Variants in ESR1 observed in about 807,000 individuals in gnomAD.
ESR1 encodes estrogen receptor.
A neutral mutation model predicts 52.7 loss-of-function variants in ESR1; 12 were observed. The ratio of observed to expected loss-of-function variants is 0.23; its 90% CI spans 0.15 to 0.37. The LOEUF is 0.37. Among genes scored for constraint, ESR1 ranks in the 10% least tolerant of loss-of-function variants. The pLI is 1.00. For synonymous variants in ESR1, 305 were observed against 316.8 expected, an observed-to-expected ratio of 0.96 and a Z score of 0.39; for missense variants, 584 against 779.7, an observed-to-expected ratio of 0.75 and a Z score of 2.99.
At chr6:151,666,615 G>T (rs1777830774) in intron 1 of ESR1, among the ~76,000 whole-genome samples, 1 of 152,006 alleles carries the variant, frequency 6.6e-6, no homozygotes, top group East Asian at 1.9e-4. Flanking sequence ...ATCTGTTTCT[G>T]CAGCCAGAGC....
At chr6:151,940,712 C>T (rs573140815) in intron 3 of ESR1, among the ~76,000 whole-genome samples, 108 of 152,162 alleles carry the variant, frequency 7.1e-4, no homozygotes, top group Non-Finnish European at 1.2e-3. Flanking sequence ...ACTGTGCTTT[C>T]GGCAGTTCAT....
chr6:151,773,799 T>G (rs1382011378), intron 2 of ESR1, among the ~76,000 whole-genome samples: 1 of 152,138 alleles, frequency 6.6e-6, no homozygotes, highest in Non-Finnish European at 1.5e-5. Context: ...AAGAATAATC[T>G]CTCATCTCCT....
chr6:151,892,781 TCCA>T (rs1339749018), intron 3 of ESR1, among the ~76,000 whole-genome samples: 3 of 152,182 alleles, frequency 2.0e-5, no homozygotes, highest in Non-Finnish European at 4.4e-5. Context: ...TGAAAACTTA[TCCA>T]GTAGGTATAA....
rs9479119 is a variant in ESR1 at position 151,808,611 on chromosome 6, G to T, written c.452+247G>T. On this transcript the variant is annotated intron_variant, in intron 1 of 7. Transcript: ENST00000206249. ...CGTACTCTCCACCCACTTACCGTCC[G>T]TGCGAGAGGCAGACCCGAAAGCCCG... Among the ~76,000 whole-genome samples, 9,370 of 152,202 alleles carry T rather than the reference G, an allele frequency of 0.062. 550 individuals carry two copies. The highest frequency in any genetic ancestry group is 0.15 in the South Asian group (727 of 4,824).
intron 2 of ESR1, among the ~76,000 whole-genome samples, chr6:151,853,346 C>T (rs1326686924): frequency 6.6e-6 from 1 of 152,110 alleles, no homozygotes; most frequent in African/African-American, 2.4e-5. Context: ...CTGAAAACCT[C>T]ATTCCATGTA....
chr6:152,108,898 G>C (rs2051098842), intron 6 of ESR1, among the ~76,000 whole-genome samples: 3 of 152,190 alleles, frequency 2.0e-5, no homozygotes, highest in African/African-American at 7.2e-5. Flanking sequence ...CTGAGCCTGG[G>C]TAATTTATAA....
At chr6:151,717,491 G>A (rs1214732178) in intron 2 of ESR1, among the ~76,000 whole-genome samples, 2 of 152,142 alleles carry the variant, frequency 1.3e-5, no homozygotes, top group East Asian at 1.9e-4. Flanking sequence ...TGTAATCCAA[G>A]TACATGATAT....
chr6:151,820,169 A>C (rs1780332712), intron 1 of ESR1, among the ~76,000 whole-genome samples: 1 of 152,160 alleles, frequency 6.6e-6, no homozygotes. Context: ...TTTCAACTGA[A>C]TTTTTTAAGA....
chr6:151,985,633 C>T (rs73628494), intron 4 of ESR1, among the ~76,000 whole-genome samples: 14,044 of 150,528 alleles, frequency 0.093, 1,390 homozygotes, highest in African/African-American at 0.24. Context: ...AGTCTTATAC[C>T]ATGTCGGATG....
At chr6:151,802,175 A>G (rs1777317147), upstream of ESR1, among the ~76,000 whole-genome samples, 1 of 152,218 alleles carries the variant, frequency 6.6e-6, no homozygotes, top group African/African-American at 2.4e-5. Flanking sequence ...ACAAAAACTC[A>G]AGGTCAGGTG....
intron 2 of ESR1, among the ~76,000 whole-genome samples, chr6:151,796,323 G>A (rs9478243): frequency 0.14 from 20,695 of 152,072 alleles, 1,960 homozygotes; most frequent in East Asian, 0.3. Flanking sequence ...AAAAAGGGGT[G>A]TGGAAGAATG....
intron 6 of ESR1, among the ~76,000 whole-genome samples, chr6:152,119,393 AT>A (rs2051249708): frequency 6.7e-6 from 1 of 149,440 alleles, no homozygotes; most frequent in East Asian, 2.0e-4. Flanking sequence ...TTCCCAAAAA[AT>A]CCTTTCATTT....
chr6:152,046,279 G>T (rs151299529), intron 5 of ESR1, among the ~76,000 whole-genome samples: 86 of 152,330 alleles, frequency 5.6e-4, no homozygotes, highest in African/African-American at 1.7e-3. Context: ...TTGCAGACTA[G>T]ACTATTTATT....
chr6:151,998,633 GTTA>G (rs1562650449), intron 4 of ESR1, among the ~76,000 whole-genome samples: 1 of 152,016 alleles, frequency 6.6e-6, no homozygotes, highest in Non-Finnish European at 1.5e-5. Flanking sequence ...CTGAAAGCAT[GTTA>G]TTAATCGTAC....
At position 151,973,152 on chromosome 6, in the gene ESR1, C is replaced by G. The variant is rs117804566; in HGVS notation, c.1096+28644C>G. 4.6e-3 allele frequency among the ~76,000 whole-genome samples: 696 copies of G among 152,272 alleles called. 4 individuals are homozygous for G. Among genetic ancestry groups the G allele is most frequent in the East Asian group, 0.013 (68 of 5,170 alleles). On this transcript the variant is annotated intron_variant, in intron 4 of 7. Transcript: ENST00000206249. The stretch of plus-strand genomic sequence containing the variant: ...AATACTTTGCATCCTTCAATCCAAT[C>G]AAGTTGACATTACATATTAATCATC...
chr6:151,851,965 T>C (rs760308629), intron 2 of ESR1, among the ~76,000 whole-genome samples: 4 of 152,204 alleles, frequency 2.6e-5, no homozygotes, highest in Non-Finnish European at 5.9e-5. Context: ...TACTTTTTGG[T>C]ATTTGTGAAA....
At chr6:152,089,478 T>C (rs1336898957) in intron 6 of ESR1, among the ~76,000 whole-genome samples, 1 of 152,268 alleles carries the variant, frequency 6.6e-6, no homozygotes, top group East Asian at 1.9e-4. Flanking sequence ...AATAAGCTAT[T>C]TAATAATTTG....
chr6:152,025,302 G>A (rs1466544240), intron 5 of ESR1, among the ~76,000 whole-genome samples: 3 of 149,716 alleles, frequency 2.0e-5, no homozygotes, highest in Non-Finnish European at 3.0e-5. Context: ...GGTGTAAGTA[G>A]AATTGGAATT....
intron 4 of ESR1, among the ~76,000 whole-genome samples, chr6:152,002,077 A>C (rs1428832072): frequency 6.6e-6 from 1 of 152,000 alleles, no homozygotes; most frequent in African/African-American, 2.4e-5. Flanking sequence ...TCTGAACTTA[A>C]GTAGAAAATG....
Sources: gnomAD v4.1 joint callset for allele counts (sites outside exome capture counted in the v4.1 genomes callset) on GRCh38, gnomAD v4.1.1 for gene constraint, MANE v1.5 for transcripts, NCBI Gene and HGNC (gene_info 2026-07-23, HGNC 2026-07-21) for gene names.